The following CCDC148 variants were observed in gnomAD, a reference collection of about 807,000 sequenced individuals.
CCDC148 encodes coiled-coil domain containing 148.
A neutral mutation model predicts 85.7 loss-of-function variants in CCDC148; 89 were observed. The observed-to-expected ratio is 1.04, with a 90% confidence interval of 0.87 to 1.24. CCDC148 has a LOEUF of 1.24. Among genes scored for constraint, CCDC148 ranks in the 50% most tolerant of loss-of-function variants. The probability of loss-of-function intolerance (pLI) is 0.00; values close to 1 mark genes in which losing one functional copy is unlikely to be tolerated. For missense variants in CCDC148, 692 were observed against 671.7 expected (o/e 1.03, Z -0.33); for synonymous variants, 230 against 213.9 (o/e 1.08, Z -0.66).
At chr2:158,189,051 C>A (rs915625630) in intron 11 of CCDC148, among the ~76,000 whole-genome samples, 2 of 151,936 alleles carry the variant, frequency 1.3e-5, no homozygotes, top group African/African-American at 4.8e-5. Flanking sequence ...CCATCTCACA[C>A]AGGTCAGAAT....
At chr2:158,350,816 A>C (rs1683226793) in intron 2 of CCDC148, among the ~76,000 whole-genome samples, 1 of 152,188 alleles carries the variant, frequency 6.6e-6, no homozygotes, top group African/African-American at 2.4e-5. Flanking sequence ...ATACATATAT[A>C]TGTTATATAA....
intron 11 of CCDC148, among the ~76,000 whole-genome samples, chr2:158,187,279 C>T (rs1177262329): frequency 2.0e-5 from 3 of 151,968 alleles, no homozygotes; most frequent in African/African-American, 7.2e-5. Context: ...AAGTGAACTT[C>T]TTTCTTTCTT....
At chr2:158,262,583 G>A (rs113307820) in intron 9 of CCDC148, among the ~76,000 whole-genome samples, 25,359 of 151,994 alleles carry the variant, frequency 0.17, 2,701 homozygotes, top group Middle Eastern at 0.26. Context: ...TTGACTCAGA[G>A]TTCTGCATGG....
At chr2:158,360,628 A>C (rs1192573499) in intron 1 of CCDC148, among the ~76,000 whole-genome samples, 1 of 152,186 alleles carries the variant, frequency 6.6e-6, no homozygotes, top group African/African-American at 2.4e-5. Context: ...AATAGCATCA[A>C]CATCAACAAA....
At chr2:158,194,541 G>C (rs891730981) in intron 11 of CCDC148, among the ~76,000 whole-genome samples, 1 of 152,114 alleles carries the variant, frequency 6.6e-6, no homozygotes. Context: ...TTTAAAATGA[G>C]GATTCCTGGG....
At chr2:158,338,218 C>A (rs891179443) in intron 7 of CCDC148, among the ~76,000 whole-genome samples, 1 of 152,072 alleles carries the variant, frequency 6.6e-6, no homozygotes, top group Non-Finnish European at 1.5e-5. Context: ...ATTCACCATG[C>A]AGAAGTGGAT....
intron 2 of CCDC148, among the ~76,000 whole-genome samples, chr2:158,352,416 C>T (rs964467449): frequency 1.3e-5 from 2 of 152,082 alleles, no homozygotes; most frequent in Non-Finnish European, 2.9e-5. Flanking sequence ...GGCTCGAGAA[C>T]TACGTGAAGA....
chr2:158,283,965 T>C (rs4664947), intron 9 of CCDC148, among the ~76,000 whole-genome samples: 13,904 of 150,978 alleles, frequency 0.092, 655 homozygotes, highest in African/African-American at 0.15. Context: ...GATGAGTTCA[T>C]GTCCTTTGTA....
chr2:158,206,821 G>A (rs1686271472), intron 11 of CCDC148, among the ~76,000 whole-genome samples: 1 of 152,164 alleles, frequency 6.6e-6, no homozygotes, highest in African/African-American at 2.4e-5. Context: ...GTAGGTGGGA[G>A]TCATGGCCTA....
At chr2:158,182,654 A>C (rs1389638964) in intron 11 of CCDC148, among the ~76,000 whole-genome samples, 1 of 152,136 alleles carries the variant, frequency 6.6e-6, no homozygotes, top group Admixed American at 6.6e-5. Context: ...GGTTACTCTG[A>C]CTGCCTGAAG....
At chr2:158,439,581 A>C (rs569681121) in intron 1 of CCDC148, among the ~76,000 whole-genome samples, 4 of 152,146 alleles carry the variant, frequency 2.6e-5, no homozygotes, top group Non-Finnish European at 1.5e-5. Flanking sequence ...CATATGTAAC[A>C]AACCTGTACG....
At chr2:158,197,897 T>A (rs946028035) in intron 11 of CCDC148, among the ~76,000 whole-genome samples, 84 of 130,788 alleles carry the variant, frequency 6.4e-4, no homozygotes, top group African/African-American at 3.6e-3. Flanking sequence ...ATGCAATTAA[T>A]TCTAATGAAT....
intron 1 of CCDC148, among the ~76,000 whole-genome samples, chr2:158,433,091 A>AAAATATATAT (rs1553521585): frequency 5.8e-5 from 3 of 51,312 alleles, no homozygotes; most frequent in East Asian, 6.0e-4. Flanking sequence ...AAAAAAAAAA[A>AAAATATATAT]ATATATATAT....
At chr2:158,296,162 A>G (rs144212633) in intron 9 of CCDC148, among the ~76,000 whole-genome samples, 15 of 152,320 alleles carry the variant, frequency 9.8e-5, no homozygotes, top group African/African-American at 3.4e-4. Flanking sequence ...CAAGATCATA[A>G]AAATTCCCCC....
intron 1 of CCDC148, among the ~76,000 whole-genome samples, chr2:158,433,261 A>AATATATATATATATGTAT (rs1687457925): frequency 8.2e-6 from 1 of 122,552 alleles, no homozygotes; most frequent in African/African-American, 2.9e-5. Flanking sequence ...CCTTGACTCA[A>AATATATATATATATGTAT]ATATATATAT....
chr2:158,397,306 A>T (rs1685565783), intron 1 of CCDC148, among the ~76,000 whole-genome samples: 1 of 152,142 alleles, frequency 6.6e-6, no homozygotes, highest in African/African-American at 2.4e-5. Context: ...CGAGAAGAGT[A>T]ACCCCAAGAC....
chr2:158,346,992 G>A (rs1683025910), intron 2 of CCDC148, among the ~76,000 whole-genome samples: 1 of 152,080 alleles, frequency 6.6e-6, no homozygotes, highest in Admixed American at 6.5e-5. Flanking sequence ...TAAAATTTAG[G>A]AGGAAAGTAC....
At chr2:158,186,989 A>T (rs1399299335) in intron 11 of CCDC148, among the ~76,000 whole-genome samples, 1 of 152,002 alleles carries the variant, frequency 6.6e-6, no homozygotes, top group Non-Finnish European at 1.5e-5. Flanking sequence ...TGTTGAAATT[A>T]TTATGTACTA....
chr2:158,201,057 A>T (rs186983062), intron 11 of CCDC148, among the ~76,000 whole-genome samples: 1 of 151,862 alleles, frequency 6.6e-6, no homozygotes, highest in Non-Finnish European at 1.5e-5. Context: ...AGAAATCAGT[A>T]CCTAGATACT....
Sources: gnomAD v4.1 joint callset for allele counts (sites outside exome capture counted in the v4.1 genomes callset) on GRCh38, gnomAD v4.1.1 for gene constraint, MANE v1.5 for transcripts, NCBI Gene and HGNC (gene_info 2026-07-23, HGNC 2026-07-21) for gene names.